NMNAT3: variants seen among roughly 807,000 people sequenced by gnomAD.
NMNAT3 encodes the protein nicotinamide nucleotide adenylyltransferase 3, also known as nicotinamide/nicotinic acid mononucleotide adenylyltransferase 3.
Under a neutral mutation model 24.8 loss-of-function variants are expected in NMNAT3, and 21 were observed. That is an observed-to-expected ratio of 0.85 (90% CI 0.60 to 1.22). NMNAT3 has a LOEUF of 1.22. Among genes scored for constraint, NMNAT3 ranks in the 50% most tolerant of loss-of-function variants. The pLI is 0.00. For missense variants in NMNAT3, 387 were observed against 436.6 expected (o/e 0.89, Z 1.01); for synonymous variants, 136 against 155.2 (o/e 0.88, Z 0.92).
intron 3 of NMNAT3, among the ~76,000 whole-genome samples, chr3:139,604,331 C>T (rs1382166426): frequency 2.0e-5 from 3 of 152,178 alleles, no homozygotes; most frequent in African/African-American, 7.2e-5. Flanking sequence ...GTTTAATTTA[C>T]TCAACTATAT....
intron 3 of NMNAT3, among the ~76,000 whole-genome samples, chr3:139,618,913 C>G (rs1487670162): frequency 6.6e-6 from 1 of 152,178 alleles, no homozygotes; most frequent in Non-Finnish European, 1.5e-5. Context: ...AACCTCATCT[C>G]TATGCCTGAG....
intron 4 of NMNAT3, among the ~76,000 whole-genome samples, chr3:139,579,271 C>T (rs567529532): frequency 4.6e-5 from 7 of 152,108 alleles, no homozygotes; most frequent in Non-Finnish European, 5.9e-5. Flanking sequence ...TTCTACAACC[C>T]GGGTAGCACT....
chr3:139,656,191 T>C (rs2108406432), intron 1 of NMNAT3, among the ~76,000 whole-genome samples: 1 of 152,308 alleles, frequency 6.6e-6, no homozygotes, highest in Admixed American at 6.5e-5. Flanking sequence ...TGAATTCAGG[T>C]CACTGGCTGA....
chr3:139,600,034 T>C (rs1479429973), intron 3 of NMNAT3, among the ~76,000 whole-genome samples: 1 of 152,200 alleles, frequency 6.6e-6, no homozygotes, highest in African/African-American at 2.4e-5. Context: ...GCCCTTGGAA[T>C]ATGTGCTCTT....
Position 139,560,785 on chromosome 3 carries a change from A to G in NMNAT3, c.*225T>C. ...CCTAATCCTAATGACCTGCCACACC[A>G]TTTTAACTTCTTTGATAAATGTCTA... is the stretch of plus-strand genomic sequence containing the variant. On this transcript the variant is annotated 3_prime_UTR_variant, in exon 7 of 7. Coordinates refer to ENST00000643695, the MANE Select transcript of NMNAT3 (RefSeq NM_001320510.2). The G allele has an allele frequency of 1.9e-6, 1 of 536,430 alleles. No individual in the cohort carries two copies. Among genetic ancestry groups the G allele is most frequent in the South Asian group, 2.7e-5 (1 of 37,240 alleles). 33.2% of individuals were successfully genotyped at this position (536,430 alleles called of 1,614,324 possible). A position where few individuals can be genotyped will look rare whatever the true frequency, so the allele number is the denominator to read the frequency against.
chr3:139,653,606 C>T (rs1254413380), intron 1 of NMNAT3, among the ~76,000 whole-genome samples: 10 of 152,206 alleles, frequency 6.6e-5, no homozygotes, highest in South Asian at 2.1e-4. Flanking sequence ...GGAGGATGCC[C>T]GAGAGGGCTC....
At chr3:139,582,369 T>C (rs775645462) in intron 4 of NMNAT3, among the ~76,000 whole-genome samples, 5 of 150,352 alleles carry the variant, frequency 3.3e-5, no homozygotes, top group Non-Finnish European at 7.4e-5. Context: ...AGGCCGGACA[T>C]GATAGCTCAT....
chr3:139,636,067 A>G (rs997726271), intron 2 of NMNAT3: 5 of 152,226 alleles, frequency 3.3e-5, no homozygotes, highest in African/African-American at 1.2e-4. Context: ...TGAAGCTGTC[A>G]TGCCAACCCC....
At chr3:139,671,140 T>A (rs2057742596) in intron 1 of NMNAT3, among the ~76,000 whole-genome samples, 1 of 152,214 alleles carries the variant, frequency 6.6e-6, no homozygotes, top group Non-Finnish European at 1.5e-5. Flanking sequence ...AATAAAATAA[T>A]ATAGAAAGCT....
chr3:139,660,704 T>A (rs908166546), intron 1 of NMNAT3, among the ~76,000 whole-genome samples: 5 of 152,226 alleles, frequency 3.3e-5, no homozygotes, highest in African/African-American at 1.2e-4. Flanking sequence ...TTTGGTAAAG[T>A]CCTTGGAAAT....
At chr3:139,663,417 G>A (rs796563907) in intron 1 of NMNAT3, among the ~76,000 whole-genome samples, 1 of 152,126 alleles carries the variant, frequency 6.6e-6, no homozygotes, top group Non-Finnish European at 1.5e-5. Context: ...CACAGGTTCT[G>A]GGAATTAGGA....
At chr3:139,669,478 GAAAAAAAAAAAA>G (rs61403161) in intron 1 of NMNAT3, among the ~76,000 whole-genome samples, 2 of 59,326 alleles carry the variant, frequency 3.4e-5, no homozygotes, top group East Asian at 4.9e-4. Flanking sequence ...CCCTGTCTCA[GAAAAAAAAAAAA>G]AAAAAAAAAA....
intron 2 of NMNAT3, among the ~76,000 whole-genome samples, chr3:139,628,971 A>G (rs1204702781): frequency 6.6e-6 from 1 of 152,086 alleles, no homozygotes; most frequent in Non-Finnish European, 1.5e-5. Flanking sequence ...GCAGGAGGAG[A>G]AAGGAGATGG....
At chr3:139,640,617 T>G (rs1212294279) in intron 1 of NMNAT3, among the ~76,000 whole-genome samples, 1 of 152,164 alleles carries the variant, frequency 6.6e-6, no homozygotes, top group Non-Finnish European at 1.5e-5. Flanking sequence ...AGGCTCTCCA[T>G]GAAGGCTGAA....
chr3:139,599,355 A>G, intron 3 of NMNAT3: 1 of 702,426 alleles, frequency 1.4e-6, no homozygotes. Context: ...TTCTGTGGGC[A>G]CAAGCACAGT....
chr3:139,591,063 T>G (rs2054142903), intron 3 of NMNAT3, among the ~76,000 whole-genome samples: 1 of 151,824 alleles, frequency 6.6e-6, no homozygotes, highest in Non-Finnish European at 1.5e-5. Flanking sequence ...GGTACCGGGT[T>G]CATCTCACTA....
chr3:139,616,792 G>A lies in NMNAT3; in HGVS notation c.109+10824C>T, dbSNP rs117850328. ...TCTCTCTCTGTGTGTGTGTGTATGTGCTGCAGGGTGGACGCATATATTCTC... is the reference window on the plus strand; with the variant it reads ...TCTCTCTCTGTGTGTGTGTGTATGTACTGCAGGGTGGACGCATATATTCTC... On this transcript the variant is annotated intron_variant, in intron 3 of 6. Coordinates refer to ENST00000643695, the MANE Select transcript of NMNAT3 (RefSeq NM_001320510.2). Among the ~76,000 whole-genome samples, 14 of 152,212 alleles carry A rather than the reference G, an allele frequency of 9.2e-5. No homozygotes were observed. The East Asian group carries it at 2.5e-3, about 27-fold the overall frequency.
chr3:139,676,666 G>A lies in NMNAT3; in HGVS notation c.-141+1039C>T, dbSNP rs567685968. Among the ~76,000 whole-genome samples the A allele has an allele frequency of 5.3e-4, 80 of 152,336 alleles. 1 individual carries two copies. The highest frequency in any genetic ancestry group is 1.7e-3 in the African/African-American group (72 of 41,584). ...CTCCAGGAGGGCAGGGCCCCTGTCT[G>A]ATTTCTCTCTGAATCCTCAGAGCCA... On this transcript the variant is annotated intron_variant, in intron 1 of 6. Coordinates refer to ENST00000643695, the MANE Select transcript of NMNAT3 (RefSeq NM_001320510.2).
chr3:139,600,780 G>C (rs2054678421), intron 3 of NMNAT3, among the ~76,000 whole-genome samples: 1 of 152,190 alleles, frequency 6.6e-6, no homozygotes, highest in Admixed American at 6.5e-5. Context: ...AGCACCTTCT[G>C]TGTGTCTGAG....
Sources: allele counts gnomAD v4.1 joint callset (sites outside exome capture counted in the v4.1 genomes callset), GRCh38; gene constraint gnomAD v4.1.1; transcripts MANE v1.5; gene names NCBI Gene and HGNC (gene_info 2026-07-23, HGNC 2026-07-21).